Variants in BCLAF1 observed in about 807,000 individuals in gnomAD.
BCLAF1 encodes the protein BCL2 associated transcription factor 1, also known as bcl-2-associated transcription factor 1.
A neutral mutation model predicts 99.5 loss-of-function variants in BCLAF1; 10 were observed. That is an observed-to-expected ratio of 0.10 (90% CI 0.06 to 0.17). The LOEUF is 0.17. Among genes scored for constraint, BCLAF1 ranks in the 10% least tolerant of loss-of-function variants. The pLI is 1.00. For synonymous variants in BCLAF1, 255 were observed against 370.9 expected (o/e 0.69, Z 3.59); for missense variants, 636 against 1,105.8 (o/e 0.58, Z 6.02).
chr6:136,257,023 G>A lies in BCLAF1; in HGVS notation c.*4087C>T, dbSNP rs1780513982. ...CTATGATCATGTACTTTTATTAAAG[G>A]CAGAGCTCATTATTAATGAAATCTG... On this transcript the variant is annotated 3_prime_UTR_variant, in exon 13 of 13. Transcript: ENST00000531224. The A allele has an allele frequency of 6.6e-6, 1 of 152,086 alleles. No individual in the cohort carries two copies. 9.4% of individuals were successfully genotyped at this position (152,086 alleles called of 1,614,324 possible).
chr6:136,285,873 G>A (rs993053738), intron 1 of BCLAF1, among the ~76,000 whole-genome samples: 1 of 152,166 alleles, frequency 6.6e-6, no homozygotes, highest in African/African-American at 2.4e-5. Flanking sequence ...GCCGAGGTGA[G>A]CGGATCCTGA....
intron 12 of BCLAF1, 32 bp from the exon 13 acceptor site, chr6:136,261,147 A>G (rs761272577): frequency 8.9e-6 from 14 of 1,573,772 alleles, no homozygotes; most frequent in Middle Eastern, 1.7e-4. Flanking sequence ...AAAGATTAAC[A>G]AAAGATGCGG....
chr6:136,264,700 C>A (rs1199969196), intron 11 of BCLAF1, among the ~76,000 whole-genome samples: 1 of 152,070 alleles, frequency 6.6e-6, no homozygotes. Flanking sequence ...CATGTGAAAA[C>A]CAAAGTTGCC....
At chr6:136,283,325 TG>T (rs1784633312) in intron 1 of BCLAF1, among the ~76,000 whole-genome samples, 1 of 152,142 alleles carries the variant, frequency 6.6e-6, no homozygotes, top group South Asian at 2.1e-4. Flanking sequence ...CATGTGAAAC[TG>T]ATTTTTAAAT....
chr6:136,265,253 A>G (rs1474803162), intron 11 of BCLAF1, among the ~76,000 whole-genome samples: 1 of 149,352 alleles, frequency 6.7e-6, no homozygotes, highest in African/African-American at 2.6e-5. Flanking sequence ...AAATTAGAGC[A>G]CTTAGATTTT....
In BCLAF1 at chr6:136,277,899, G is replaced by T. The variant is rs199524319; in HGVS notation, c.982C>A (p.Gln328Lys). Residue 328 changes from glutamine to lysine, a missense_variant, in exon 4 of 13, where the codon CAG (glutamine) becomes AAG (lysine). Transcript: ENST00000531224. ...AACTTCCCAGTCTTTGCAGTTTCCT[G>T]ATCTCCACCATCAGGATAAAACGAG... Reference protein sequence around the residue: ...RSSFYPDGGDQETAKTGKFLK... With the variant: ...RSSFYPDGGDKETAKTGKFLK... 408 of 1,601,654 alleles carry T rather than the reference G, an allele frequency of 2.5e-4. No individual in the cohort carries two copies. The highest frequency in any genetic ancestry group is 3.2e-4 in the Non-Finnish European group (376 of 1,175,084).
At chr6:136,269,348 T>G (rs764889019) in intron 9 of BCLAF1, 89 bp downstream of exon 9, 2 of 1,577,346 alleles carry the variant, frequency 1.3e-6, no homozygotes, top group South Asian at 1.2e-5. Flanking sequence ...AACATTCGAT[T>G]ACACAGTCAA....
At chr6:136,265,357 T>C (rs956152940) in intron 11 of BCLAF1, among the ~76,000 whole-genome samples, 5 of 152,164 alleles carry the variant, frequency 3.3e-5, no homozygotes, top group African/African-American at 1.2e-4. Flanking sequence ...CAGAACTTAA[T>C]CTTTTGAAAG....
chr6:136,256,840 G>A lies in BCLAF1; in HGVS notation c.*4270C>T, dbSNP rs1220373073. The A allele has an allele frequency of 6.6e-6, 1 of 152,162 alleles. No individual in the cohort carries two copies. The highest frequency in any genetic ancestry group is 1.5e-5 in the Non-Finnish European group (1 of 68,068). The allele number at this position is 152,162 out of a possible 1,614,324, so 9.4% of individuals were successfully genotyped here. A position where few individuals can be genotyped will look rare whatever the true frequency, so the allele number is the denominator to read the frequency against. ...TATTTTCCATAGTGAAGGACTCAAG[G>A]TAGCAAATAATCCACTATTCTGGAG... On this transcript the variant is annotated 3_prime_UTR_variant, in exon 13 of 13. Transcript: ENST00000531224.
rs1470118820 is a variant in BCLAF1 at position 136,257,835 on chromosome 6, G to T, written c.*3275C>A. The T allele has an allele frequency of 1.3e-5, 2 of 151,852 alleles. No homozygotes were observed. The highest frequency in any genetic ancestry group is 2.9e-5 in the Non-Finnish European group (2 of 67,908). 9.4% of individuals were successfully genotyped at this position (151,852 alleles called of 1,614,324 possible). ...CTATTATTCCACAAGGAAACTTAAG[G>T]TACATCCCCACCAATGGGATTCCAG... is the stretch of plus-strand genomic sequence containing the variant. On this transcript the variant is annotated 3_prime_UTR_variant, in exon 13 of 13. Transcript: ENST00000531224.
chr6:136,287,591 G>C (rs1243203546), intron 1 of BCLAF1, among the ~76,000 whole-genome samples: 2 of 152,204 alleles, frequency 1.3e-5, no homozygotes, highest in Non-Finnish European at 2.9e-5. Context: ...AATTCAGCTA[G>C]TGTGCAACTA....
chr6:136,261,191 T>C, intron 12 of BCLAF1, 74 bp downstream of exon 12: 1 of 1,566,938 alleles, frequency 6.4e-7, no homozygotes, highest in Non-Finnish European at 8.7e-7. Flanking sequence ...TAATTGTTCC[T>C]AAAAATGAAA....
chr6:136,273,226 T>G, intron 6 of BCLAF1, 39 bp from the exon 7 acceptor site: 1 of 1,551,082 alleles, frequency 6.4e-7, no homozygotes, highest in Non-Finnish European at 8.9e-7. Flanking sequence ...TTAGTTAACT[T>G]TACTTTAAGA....
intron 9 of BCLAF1, chr6:136,268,963 G>T: frequency 2.8e-6 from 1 of 351,422 alleles, no homozygotes; most frequent in Non-Finnish European, 4.3e-6. Context: ...TCTTACCACT[G>T]CTAACAGTTT....
chr6:136,278,126 T>A lies in BCLAF1; in HGVS notation c.755A>T (p.His252Leu), dbSNP rs1478646288. The A allele has an allele frequency of 1.9e-6, 3 of 1,600,776 alleles. No homozygotes were observed. The highest frequency in any genetic ancestry group is 1.3e-5 in the African/African-American group (1 of 74,560). The part of the protein sequence containing the change: ...CSDAPMLSTV[H>L]SAKNTPSQHS... ...CTGAGAAGGAGTATTTTTTGCAGAG[T>A]GAACTGTACTGAGCATGGGAGCATC... The change falls in exon 4 of 13, where the codon CAC becomes CTC. Residue 252 changes from histidine to leucine, a missense_variant. Transcript: ENST00000531224.
chr6:136,262,327 T>G (rs1781117948), intron 11 of BCLAF1, among the ~76,000 whole-genome samples: 1 of 152,054 alleles, frequency 6.6e-6, no homozygotes, highest in South Asian at 2.1e-4. Context: ...AAATGGGAAA[T>G]AAAGCAAAAT....
In BCLAF1 at chr6:136,260,651, A is replaced by T. The variant is rs1266650721; in HGVS notation, c.*459T>A. 5.9e-6 allele frequency: 1 copy of T among 169,496 alleles called. No individual in the cohort carries two copies. Among genetic ancestry groups the T allele is most frequent in the Admixed American group, 6.3e-5 (1 of 15,758 alleles). 10.5% of individuals were successfully genotyped at this position (169,496 alleles called of 1,614,324 possible). A position where few individuals can be genotyped will look rare whatever the true frequency, so the allele number is the denominator to read the frequency against. On this transcript the variant is annotated 3_prime_UTR_variant, in exon 13 of 13. Transcript: ENST00000531224. ...TCAAAAATCAGTCACCCTACGATGT[A>T]GTGTGTTCAAATTAAACAGATGTAT...
intron 6 of BCLAF1, chr6:136,274,237 A>G (rs1170374820): frequency 9.4e-7 from 1 of 1,059,120 alleles, no homozygotes; most frequent in East Asian, 5.9e-5. Context: ...TCAGCTCTAT[A>G]TAAAGTAAGA....
intron 11 of BCLAF1, among the ~76,000 whole-genome samples, chr6:136,266,401 T>A (rs372480255): frequency 6.6e-6 from 1 of 152,022 alleles, no homozygotes; most frequent in Non-Finnish European, 1.5e-5. Context: ...GAGACCCTTT[T>A]CCCCATGCCA....
Sources: gnomAD v4.1 joint callset for allele counts (sites outside exome capture counted in the v4.1 genomes callset) on GRCh38, gnomAD v4.1.1 for gene constraint, MANE v1.5 for transcripts, NCBI Gene and HGNC (gene_info 2026-07-23, HGNC 2026-07-21) for gene names.